PBX1: variants seen among roughly 807,000 people sequenced by gnomAD.
PBX1 encodes the protein PBX homeobox 1.
A neutral mutation model predicts 53.4 loss-of-function variants in PBX1; 6 were observed. The observed-to-expected ratio is 0.11, with a 90% CI of 0.06 to 0.22. PBX1 has a LOEUF of 0.22. Among genes scored for constraint, PBX1 ranks in the 10% least tolerant of loss-of-function variants. PBX1 has a pLI of 1.00. For synonymous variants in PBX1, 204 were observed against 212.3 expected, an observed-to-expected ratio of 0.96 and a Z score of 0.34; for missense variants, 251 against 551.4, an observed-to-expected ratio of 0.46 and a Z score of 5.46.
At chr1:164,631,256 T>C (rs1029616219) in intron 2 of PBX1, 4 of 152,186 alleles carry the variant, frequency 2.6e-5, no homozygotes, top group Non-Finnish European at 5.9e-5. Context: ...AACGAATAGT[T>C]TCATAACCTA....
chr1:164,808,792 T>A (rs1023256595), intron 5 of PBX1, among the ~76,000 whole-genome samples: 1 of 152,170 alleles, frequency 6.6e-6, no homozygotes, highest in African/African-American at 2.4e-5. Context: ...CCCAACAAAC[T>A]AAGATGATTT....
At chr1:164,563,063 TC>T (rs1653177470) in intron 1 of PBX1, 174 bp from the exon 2 acceptor site, 2 of 426,900 alleles carry the variant, frequency 4.7e-6, no homozygotes, top group African/African-American at 4.1e-5. Context: ...TAACATTATT[TC>T]TTTTTCTATG....
At chr1:164,858,300 G>A (rs1323423750) in intron 2 of PBX1, among the ~76,000 whole-genome samples, 1 of 152,078 alleles carries the variant, frequency 6.6e-6, no homozygotes, top group Non-Finnish European at 1.5e-5. Flanking sequence ...CCTTGTAAAT[G>A]TCTTTTTTAG....
chr1:164,704,360 A>G (rs1187997890), intron 2 of PBX1, among the ~76,000 whole-genome samples: 1 of 152,212 alleles, frequency 6.6e-6, no homozygotes, highest in Non-Finnish European at 1.5e-5. Context: ...GGCTGGGTTT[A>G]TACTGTCTGT....
intron 2 of PBX1, among the ~76,000 whole-genome samples, chr1:164,689,881 T>G (rs1041854804): frequency 6.6e-6 from 1 of 152,032 alleles, no homozygotes; most frequent in African/African-American, 2.4e-5. Flanking sequence ...TTTTCAGTAA[T>G]GCAGTTCCCC....
At chr1:164,798,833 C>T (rs1668914599) in intron 3 of PBX1, among the ~76,000 whole-genome samples, 1 of 152,162 alleles carries the variant, frequency 6.6e-6, no homozygotes, top group African/African-American at 2.4e-5. Context: ...AGTGGATCTT[C>T]AGAAGGCCAG....
intron 2 of PBX1, chr1:164,700,711 G>C (rs113960942): frequency 2.3e-5 from 23 of 985,380 alleles, no homozygotes; most frequent in Non-Finnish European, 2.8e-5. Flanking sequence ...TCCTGGATGA[G>C]GTAGGTGAAT....
chr1:164,781,836 A>G (rs10918070), intron 2 of PBX1, among the ~76,000 whole-genome samples: 39,171 of 151,860 alleles, frequency 0.26, 5,470 homozygotes, highest in African/African-American at 0.34. Context: ...CACAGTGACT[A>G]CTCAGGTTTT....
chr1:164,791,240 CTG>C (rs1668491399), intron 2 of PBX1, among the ~76,000 whole-genome samples: 1 of 151,904 alleles, frequency 6.6e-6, no homozygotes, highest in Non-Finnish European at 1.5e-5. Context: ...GTAAAAAAGA[CTG>C]TCTCGCTCTT....
rs565407247 is a variant in PBX1 at position 164,788,375 on chromosome 1, T to C, written c.266-4119T>C. 8.9e-4 allele frequency among the ~76,000 whole-genome samples: 134 copies of C among 151,360 alleles called. 2 individuals carry two copies. Among genetic ancestry groups the C allele is most frequent in the African/African-American group, 2.9e-3 (120 of 40,874 alleles). ...CATATCACCCTTTTCATTTATTTATTTAATGTTGGTGTTTTTTTTTTTTTT... is the reference window on the plus strand; with the variant it reads ...CATATCACCCTTTTCATTTATTTATCTAATGTTGGTGTTTTTTTTTTTTTT... On this transcript the variant is annotated intron_variant, in intron 2 of 8. Transcript: ENST00000420696.
intron 2 of PBX1, among the ~76,000 whole-genome samples, chr1:164,593,377 AC>A (rs1002698569): frequency 9.2e-5 from 14 of 152,198 alleles, no homozygotes; most frequent in Non-Finnish European, 1.3e-4. Flanking sequence ...TGTTAGGTGG[AC>A]CCCAGGTGCC....
At chr1:164,853,898 T>A (rs1471859503), downstream of PBX1, among the ~76,000 whole-genome samples, 1 of 151,884 alleles carries the variant, frequency 6.6e-6, no homozygotes, top group African/African-American at 2.4e-5. Context: ...AGATTAGACT[T>A]CCACCAAATC....
intron 2 of PBX1, among the ~76,000 whole-genome samples, chr1:164,786,718 T>TGTGTGTGTGC (rs1391268022): frequency 2.0e-5 from 2 of 100,052 alleles, no homozygotes; most frequent in African/African-American, 8.6e-5. Context: ...TGTGTGTGTG[T>TGTGTGTGTGC]GTGCGCGCGC....
At chr1:164,869,235 T>C (rs2102451310) in intron 2 of PBX1, among the ~76,000 whole-genome samples, 1 of 152,300 alleles carries the variant, frequency 6.6e-6, no homozygotes, top group South Asian at 2.1e-4. Context: ...ATGGCAGTCA[T>C]GATGACTTTA....
At chr1:164,752,206 TTGTGTGTGTGTGTG>T (rs10629820) in intron 2 of PBX1, among the ~76,000 whole-genome samples, 10 of 143,026 alleles carry the variant, frequency 7.0e-5, no homozygotes, top group Admixed American at 2.1e-4. Flanking sequence ...CTTTAAGGTT[TTGTGTGTGTGTGTG>T]TGTGTGTGTG....
intron 8 of PBX1, among the ~76,000 whole-genome samples, chr1:164,839,698 G>A (rs561792753): frequency 1.2e-4 from 18 of 152,292 alleles, no homozygotes; most frequent in African/African-American, 4.3e-4. Context: ...TTTCTTTGCA[G>A]CAGCGTAAAC....
rs1441547544 is a variant in PBX1 at position 164,847,307 on chromosome 1, T to C, written c.*631T>C. 2.8e-6 allele frequency: 3 copies of C among 1,065,160 alleles called. No individual in the cohort carries two copies. Among genetic ancestry groups the C allele is most frequent in the Non-Finnish European group, 3.4e-6 (3 of 879,286 alleles). 66.0% of individuals were successfully genotyped at this position (1,065,160 alleles called of 1,614,324 possible). On this transcript the variant is annotated 3_prime_UTR_variant, in exon 9 of 9. Transcript: ENST00000420696. ...CTAGCCCCAGCTATTCACTGGGGAC[T>C]GTCATAGCTGGGATTCTAAAGGTGC...
chr1:164,724,908 G>A (rs1028738340), intron 2 of PBX1, among the ~76,000 whole-genome samples: 10 of 151,884 alleles, frequency 6.6e-5, no homozygotes, highest in African/African-American at 2.4e-4. Context: ...CTTGCGGAGT[G>A]TTTTACAATG....
intron 8 of PBX1, among the ~76,000 whole-genome samples, chr1:164,826,696 C>T (rs941667301): frequency 6.6e-6 from 1 of 152,184 alleles, no homozygotes; most frequent in Non-Finnish European, 1.5e-5. Context: ...TGAGCCACTG[C>T]ACCTGGCCAC....
Sources: gnomAD v4.1 joint callset for allele counts (sites outside exome capture counted in the v4.1 genomes callset) on GRCh38, gnomAD v4.1.1 for gene constraint, MANE v1.5 for transcripts, NCBI Gene and HGNC (gene_info 2026-07-23, HGNC 2026-07-21) for gene names.